The following BMPER variants were observed in gnomAD, a reference collection of about 807,000 sequenced individuals.
BMPER encodes the protein BMP binding endothelial regulator.
A neutral mutation model predicts 87.3 loss-of-function variants in BMPER; 45 were observed. The ratio of observed to expected loss-of-function variants is 0.52; its 90% confidence interval spans 0.41 to 0.66. The LOEUF (loss-of-function observed/expected upper bound fraction) is 0.66, where lower values mean the gene tolerates loss of function less well. Ranked by LOEUF, BMPER falls within the 30% of genes least tolerant of loss-of-function variation. BMPER has a pLI of 0.00. For synonymous variants in BMPER, 326 were observed against 316.2 expected, an observed-to-expected ratio of 1.03 and a Z score of -0.33; for missense variants, 784 against 867.5, an observed-to-expected ratio of 0.90 and a Z score of 1.21.
intron 11 of BMPER, among the ~76,000 whole-genome samples, chr7:34,078,419 A>AT (rs1788922761): frequency 6.6e-6 from 1 of 152,084 alleles, no homozygotes; most frequent in African/African-American, 2.4e-5. Flanking sequence ...CATGTTTCTA[A>AT]TTTTTTTGAA....
chr7:34,103,324 G>T (rs1248560324), intron 13 of BMPER, among the ~76,000 whole-genome samples: 2 of 152,150 alleles, frequency 1.3e-5, no homozygotes, highest in African/African-American at 4.8e-5. Flanking sequence ...TCTGCTCCCA[G>T]GTCCGTTTAG....
chr7:34,120,769 A>T (rs1790244980), intron 13 of BMPER, among the ~76,000 whole-genome samples: 1 of 152,186 alleles, frequency 6.6e-6, no homozygotes, highest in Admixed American at 6.5e-5. Context: ...AACGAGCTTT[A>T]AGAAAGAATA....
chr7:34,050,482 A>G (rs1788120966), intron 7 of BMPER, among the ~76,000 whole-genome samples: 1 of 152,192 alleles, frequency 6.6e-6, no homozygotes, highest in Non-Finnish European at 1.5e-5. Flanking sequence ...GAGGTTGGCT[A>G]TGATAGGAAG....
intron 13 of BMPER, among the ~76,000 whole-genome samples, chr7:34,113,089 A>G (rs1335554783): frequency 6.6e-6 from 1 of 151,884 alleles, no homozygotes; most frequent in Non-Finnish European, 1.5e-5. Flanking sequence ...AGCTCATTGC[A>G]TGCACCCTGC....
At chr7:33,994,450 A>T (rs376772567) in intron 6 of BMPER, among the ~76,000 whole-genome samples, 1 of 152,128 alleles carries the variant, frequency 6.6e-6, no homozygotes, top group Admixed American at 6.5e-5. Context: ...GCGCTTCCCA[A>T]GTGAGGCAAT....
At chr7:33,954,918 A>G (rs1405754220) in intron 3 of BMPER, among the ~76,000 whole-genome samples, 1 of 152,058 alleles carries the variant, frequency 6.6e-6, no homozygotes, top group African/African-American at 2.4e-5. Flanking sequence ...TTTTTTTGAG[A>G]TGGAGTTTCA....
chr7:34,087,441 T>C (rs1789245052), intron 13 of BMPER, among the ~76,000 whole-genome samples: 1 of 152,192 alleles, frequency 6.6e-6, no homozygotes, highest in African/African-American at 2.4e-5. Context: ...AACTTTGTGG[T>C]GCCCCAGGAT....
intron 14 of BMPER, 78 bp from the exon 15 acceptor site, chr7:34,153,014 G>A: frequency 6.5e-7 from 1 of 1,539,830 alleles, no homozygotes; most frequent in Non-Finnish European, 9.0e-7. Flanking sequence ...TCATGAGCCT[G>A]CAAGAACGGC....
At chr7:34,065,352 A>G (rs1013122172) in intron 11 of BMPER, among the ~76,000 whole-genome samples, 3 of 151,838 alleles carry the variant, frequency 2.0e-5, no homozygotes, top group African/African-American at 7.3e-5. Flanking sequence ...TGTGCATTGC[A>G]AGATCTTTAA....
intron 3 of BMPER, among the ~76,000 whole-genome samples, chr7:33,950,867 G>A (rs947084750): frequency 6.6e-6 from 1 of 152,134 alleles, no homozygotes; most frequent in Admixed American, 6.5e-5. Context: ...AGCATCTATC[G>A]AGAATGATAC....
At chr7:34,142,752 T>C (rs1790905825) in intron 13 of BMPER, among the ~76,000 whole-genome samples, 1 of 152,226 alleles carries the variant, frequency 6.6e-6, no homozygotes. Flanking sequence ...TTGGTTACCA[T>C]TTTTGGAAAC....
At chr7:33,928,877 A>G (rs1784420243) in intron 2 of BMPER, among the ~76,000 whole-genome samples, 1 of 152,166 alleles carries the variant, frequency 6.6e-6, no homozygotes, top group Non-Finnish European at 1.5e-5. Context: ...TATCATCAGA[A>G]CATCGTCTTT....
intron 7 of BMPER, among the ~76,000 whole-genome samples, chr7:34,048,202 G>T (rs1788041416): frequency 1.3e-5 from 2 of 151,948 alleles, no homozygotes; most frequent in African/African-American, 4.8e-5. Flanking sequence ...GCCATACCAT[G>T]AAGTCTATTT....
intron 6 of BMPER, among the ~76,000 whole-genome samples, chr7:33,980,846 T>C (rs1324823312): frequency 2.0e-5 from 3 of 152,272 alleles, no homozygotes; most frequent in Non-Finnish European, 4.4e-5. Flanking sequence ...TGTGCTTTAC[T>C]GGCTCTTAGA....
intron 2 of BMPER, among the ~76,000 whole-genome samples, chr7:33,929,520 A>C (rs565062760): frequency 6.6e-6 from 1 of 152,358 alleles, no homozygotes; most frequent in African/African-American, 2.4e-5. Context: ...ACCAAGGTTT[A>C]TAAAGGTCTG....
intron 13 of BMPER, among the ~76,000 whole-genome samples, chr7:34,131,208 C>T (rs1442238233): frequency 6.6e-6 from 1 of 151,908 alleles, no homozygotes; most frequent in Non-Finnish European, 1.5e-5. Context: ...TGGTGGCGTG[C>T]CAGCCCCACT....
chr7:34,131,473 A>T (rs568862827), intron 13 of BMPER, among the ~76,000 whole-genome samples: 1 of 152,246 alleles, frequency 6.6e-6, no homozygotes, highest in East Asian at 1.9e-4. Flanking sequence ...CCGCCCTTTG[A>T]TTAATGCACG....
chr7:34,062,413 G>A (rs1312819355), intron 11 of BMPER, among the ~76,000 whole-genome samples: 1 of 152,106 alleles, frequency 6.6e-6, no homozygotes, highest in Non-Finnish European at 1.5e-5. Flanking sequence ...AGTCTAGGAG[G>A]GGCTTTCCTT....
rs80127126 is a variant in BMPER, at chr7:33,944,777, T to C, written c.319+7389T>C. ...AATGTGCATAGTTTATTTATAATTA[T>C]GTGGAATGTCATTTGATTCCTTTAA... On this transcript the variant is annotated intron_variant, in intron 3 of 14. Coordinates refer to ENST00000649409, the MANE Select transcript of BMPER (RefSeq NM_001365308.1). Among the ~76,000 whole-genome samples the C allele has an allele frequency of 0.012, 1,777 of 152,322 alleles. 70 individuals are homozygous for C. In the East Asian group the frequency reaches 0.14, roughly 12 times the overall value.
Sources: allele counts gnomAD v4.1 joint callset (sites outside exome capture counted in the v4.1 genomes callset), GRCh38; gene constraint gnomAD v4.1.1; transcripts MANE v1.5; gene names NCBI Gene and HGNC (gene_info 2026-07-23, HGNC 2026-07-21).